The following PLAGL1 variants were observed in gnomAD, a reference collection of about 807,000 sequenced individuals.
The protein encoded by PLAGL1 is PLAG1 like zinc finger 1, also known as zinc finger protein PLAGL1.
A neutral mutation model predicts 4.6 loss-of-function variants in PLAGL1; 1 was observed. The ratio of observed to expected loss-of-function variants is 0.22; its 90% CI spans 0.08 to 1.03. The LOEUF is 1.03. PLAGL1 is among the 50% of genes least tolerant of loss of function. PLAGL1 has a pLI of 0.58. For missense variants in PLAGL1, 464 were observed against 570.4 expected, an observed-to-expected ratio of 0.81 and a Z score of 1.90; for synonymous variants, 240 against 237.8, an observed-to-expected ratio of 1.01 and a Z score of -0.08.
chr6:143,981,841 C>T (rs1437188950), intron 2 of PLAGL1, among the ~76,000 whole-genome samples: 2 of 152,192 alleles, frequency 1.3e-5, no homozygotes, highest in Admixed American at 1.3e-4. Context: ...CAGTCAGCAA[C>T]TAGAGAAGGG....
rs566457628 is a variant in PLAGL1 at position 143,952,016 on chromosome 6, T to C, written c.-324-3556A>G. ...AGAATACAAATATTTGTTTTCATGA[T>C]ATAATAATAAACTTCTGTAAAAACA... On this transcript the variant is annotated intron_variant, in intron 6 of 7. Coordinates refer to ENST00000674357, the MANE Select transcript of PLAGL1 (RefSeq NM_001317162.2). The surrounding 1 kb of genome is among the most constrained non-coding windows in gnomAD (Gnocchi z 6.1). Among the ~76,000 whole-genome samples the C allele has an allele frequency of 7.4e-4, 112 of 152,200 alleles. No individual in the cohort carries two copies. The highest frequency in any genetic ancestry group is 4.4e-4 in the Non-Finnish European group (30 of 68,034).
At chr6:144,023,901 A>G (rs950445456) in intron 1 of PLAGL1, among the ~76,000 whole-genome samples, 7 of 146,072 alleles carry the variant, frequency 4.8e-5, no homozygotes, top group African/African-American at 1.5e-4. Context: ...CTCAGCCTCC[A>G]GAGTAGCTGG....
rs954644431 is a variant in PLAGL1 at position 143,945,697 on chromosome 6, G to A, written c.152+2288C>T. Among the ~76,000 whole-genome samples, 1 of 152,110 alleles carries A rather than the reference G, an allele frequency of 6.6e-6. No homozygotes were observed. The highest frequency in any genetic ancestry group is 1.5e-5 in the Non-Finnish European group (1 of 68,010). On this transcript the variant is annotated intron_variant, in intron 7 of 7. Transcript: ENST00000674357. The surrounding 1 kb of genome is among the most constrained non-coding windows in gnomAD (Gnocchi z 4.2). ...TCACCATGGTGGCCAGGATTATCTC[G>A]ATCTGTTGACCTCATGATCCACCCA...
rs1382990337 is a variant in PLAGL1 at position 143,954,469 on chromosome 6, GC to G, written c.-325+5999del. Among the ~76,000 whole-genome samples, 1 of 152,208 alleles carries G rather than the reference GC, an allele frequency of 6.6e-6. No individual in the cohort carries two copies. The highest frequency in any genetic ancestry group is 1.9e-4 in the East Asian group (1 of 5,200). ...TGGGACAGGCATTTGAGTCAAACTT[GC>G]AAGGGGAACACTTGAGAACCCAGAG... is the stretch of plus-strand genomic sequence containing the variant. On this transcript the variant is annotated intron_variant, in intron 6 of 7. Transcript: ENST00000674357. This position sits in a 1 kb window ranked among gnomAD's most constrained non-coding sequence, Gnocchi z 5.1.
intron 1 of PLAGL1, among the ~76,000 whole-genome samples, chr6:144,043,126 A>T (rs1797865238): frequency 6.6e-6 from 1 of 152,192 alleles, no homozygotes; most frequent in Admixed American, 6.5e-5. Context: ...GGAAACAGGG[A>T]CAATTTGACT....
intron 1 of PLAGL1, among the ~76,000 whole-genome samples, chr6:144,001,204 G>A (rs866213522): frequency 6.6e-6 from 1 of 151,780 alleles, no homozygotes; most frequent in African/African-American, 2.4e-5. Context: ...TTTTTAATGG[G>A]GACATTTCAA....
rs895456733 is a variant in PLAGL1 at position 144,000,731 on chromosome 6, T to C, written c.-584+7359A>G. Among the ~76,000 whole-genome samples, 1 of 152,176 alleles carries C rather than the reference T, an allele frequency of 6.6e-6. No homozygotes were observed. The highest frequency in any genetic ancestry group is 2.4e-5 in the African/African-American group (1 of 41,464). On this transcript the variant is annotated intron_variant, in intron 1 of 7. Coordinates refer to ENST00000674357, the MANE Select transcript of PLAGL1 (RefSeq NM_001317162.2). The surrounding 1 kb of genome is among the most constrained non-coding windows in gnomAD (Gnocchi z 4.1). ...AAAACAAAAGAAGGCTTCTGCTCTATGACATATCAAAATCATTAGAGTTAT... is the reference window on the plus strand; with the variant it reads ...AAAACAAAAGAAGGCTTCTGCTCTACGACATATCAAAATCATTAGAGTTAT...
At position 143,963,577 on chromosome 6, in the gene PLAGL1, C is replaced by CCT. The variant is rs1783831593; in HGVS notation, c.-399+1209_-399+1210insAG. Among the ~76,000 whole-genome samples, 6 of 152,310 alleles carry CCT rather than the reference C, an allele frequency of 3.9e-5. No homozygotes were observed. In the Middle Eastern group the frequency reaches 0.01, roughly 259 times the overall value. ...GGGAAAGTAAGGCTTAGAAGTTATG[C>CCT]TGATTTGCCCATGATCCTACAGCCA... On this transcript the variant is annotated intron_variant, in intron 5 of 7. Coordinates refer to ENST00000674357, the MANE Select transcript of PLAGL1 (RefSeq NM_001317162.2). This position sits in a 1 kb window ranked among gnomAD's most constrained non-coding sequence, Gnocchi z 6.1.
At chr6:144,057,776 A>AT (rs60234022) in intron 1 of PLAGL1, among the ~76,000 whole-genome samples, 30,501 of 136,956 alleles carry the variant, frequency 0.22, 3,397 homozygotes, top group East Asian at 0.27. Context: ...ACGCCTCACC[A>AT]TTTTTTTTTT....
rs75168419 is a variant in PLAGL1, at chr6:143,973,636, G to A, written c.-543-4658C>T. 6.7e-3 allele frequency among the ~76,000 whole-genome samples: 1,025 copies of A among 152,190 alleles called. 44 individuals are homozygous for A. In the East Asian group the frequency reaches 0.11, roughly 17 times the overall value. ...AATCTGCAACTTCTTTCATGTCACCGTACCCAAACTATATGGAAACTTTAT... is the reference window on the plus strand; with the variant it reads ...AATCTGCAACTTCTTTCATGTCACCATACCCAAACTATATGGAAACTTTAT... On this transcript the variant is annotated intron_variant, in intron 2 of 7. Coordinates refer to ENST00000674357, the MANE Select transcript of PLAGL1 (RefSeq NM_001317162.2). This position sits in a 1 kb window ranked among gnomAD's most constrained non-coding sequence, Gnocchi z 6.2.
In PLAGL1 at chr6:144,015,138, C is replaced by T. The variant is rs938163470; in HGVS notation, c.-150-46160G>A. The stretch of plus-strand genomic sequence containing the variant: ...AGCTAGTTCAAACTGAAATGTGCTA[C>T]AAGTGTAAAATATACTCTGGCTTTC... On this transcript the variant is annotated intron_variant, in intron 1 of 3. Transcript: ENST00000437412. The surrounding 1 kb of genome is among the most constrained non-coding windows in gnomAD (Gnocchi z 4.3). 3.3e-5 allele frequency among the ~76,000 whole-genome samples: 5 copies of T among 152,074 alleles called. No individual in the cohort carries two copies. Among genetic ancestry groups the T allele is most frequent in the African/African-American group, 1.2e-4 (5 of 41,422 alleles).
rs1327838186 is a variant in PLAGL1 at position 144,015,111 on chromosome 6, G to GTA, written c.-150-46135_-150-46134dup. ...CCCATAAGCCATGTATGGCTATGAC[G>GTA]TAGCTAGTTCAAACTGAAATGTGCT... On this transcript the variant is annotated intron_variant, in intron 1 of 3. Coordinates refer to the PLAGL1 transcript ENST00000437412. The surrounding 1 kb of genome is among the most constrained non-coding windows in gnomAD (Gnocchi z 4.3). Among the ~76,000 whole-genome samples the GTA allele has an allele frequency of 6.6e-5, 10 of 152,306 alleles. No homozygotes were observed. Among genetic ancestry groups the GTA allele is most frequent in the African/African-American group, 2.4e-4 (10 of 41,570 alleles).
chr6:144,011,123 A>G (rs935219443), upstream of PLAGL1, among the ~76,000 whole-genome samples: 2 of 152,238 alleles, frequency 1.3e-5, no homozygotes, highest in African/African-American at 4.8e-5. The surrounding 1 kb of genome is among the most constrained non-coding windows in gnomAD (Gnocchi z 4.3). Flanking sequence ...ATTAAACTAA[A>G]GAGCTTCTGC....
Position 144,048,362 on chromosome 6 carries a change from G to A in PLAGL1, c.-151+16106C>T, listed in dbSNP as rs1798329569. Among the ~76,000 whole-genome samples, 1 of 152,162 alleles carries A rather than the reference G, an allele frequency of 6.6e-6. No homozygotes were observed. The highest frequency in any genetic ancestry group is 6.5e-5 in the Admixed American group (1 of 15,286). ...GCCCCAGTGGGGACTCTGTGTGGGG[G>A]CTCCAACCCCACATTTTCCTCCTGG... is the stretch of plus-strand genomic sequence containing the variant. On this transcript the variant is annotated intron_variant, in intron 1 of 3. Transcript: ENST00000437412. This position sits in a 1 kb window ranked among gnomAD's most constrained non-coding sequence, Gnocchi z 4.8.
At chr6:144,057,891 C>T (rs1799102513) in intron 1 of PLAGL1, among the ~76,000 whole-genome samples, 2 of 151,462 alleles carry the variant, frequency 1.3e-5, no homozygotes, top group African/African-American at 4.9e-5. Flanking sequence ...ATTACTATTG[C>T]AGTTTTAACT....
In PLAGL1 at chr6:143,984,700, T is replaced by A. The variant is rs1223552898; in HGVS notation, c.-544+435A>T. Among the ~76,000 whole-genome samples, 1 of 152,170 alleles carries A rather than the reference T, an allele frequency of 6.6e-6. No homozygotes were observed. Among genetic ancestry groups the A allele is most frequent in the Non-Finnish European group, 1.5e-5 (1 of 68,008 alleles). On this transcript the variant is annotated intron_variant, in intron 2 of 7. Coordinates refer to ENST00000674357, the MANE Select transcript of PLAGL1 (RefSeq NM_001317162.2). The surrounding 1 kb of genome is among the most constrained non-coding windows in gnomAD (Gnocchi z 5.5). ...AAACAAAACCATCTCAGAAAATAAC[T>A]TCTCAAAGATGTATTTAAAATTGGT...
rs1017085288 is a variant in PLAGL1, at chr6:143,982,067, C to T, written c.-544+3068G>A. On this transcript the variant is annotated intron_variant, in intron 2 of 7. Transcript: ENST00000674357. The surrounding 1 kb of genome is among the most constrained non-coding windows in gnomAD (Gnocchi z 5.3). ...AAATTCCTACCCTTGTGAAGCGCACCAATGAATTAAGCTTATCTTTGAATT... is the reference window on the plus strand; with the variant it reads ...AAATTCCTACCCTTGTGAAGCGCACTAATGAATTAAGCTTATCTTTGAATT... Among the ~76,000 whole-genome samples, 3 of 151,984 alleles carry T rather than the reference C, an allele frequency of 2.0e-5. No homozygotes were observed. The highest frequency in any genetic ancestry group is 6.6e-5 in the Admixed American group (1 of 15,242).
At chr6:144,014,897 T>C (rs553742461) in intron 1 of PLAGL1, among the ~76,000 whole-genome samples, 68 of 152,312 alleles carry the variant, frequency 4.5e-4, no homozygotes, top group Middle Eastern at 3.4e-3. Context: ...ATTGGTATTT[T>C]GACAGAGGTA....
At chr6:144,024,533 A>G in intron 1 of PLAGL1, among the ~76,000 whole-genome samples, 1 of 152,194 alleles carries the variant, frequency 6.6e-6, no homozygotes, top group East Asian at 1.9e-4. Flanking sequence ...GCCATGTAAG[A>G]CGTTCCATGC....
Sources: gnomAD v4.1 joint callset for allele counts (sites outside exome capture counted in the v4.1 genomes callset) on GRCh38, gnomAD v4.1.1 for gene constraint, Gnocchi (gnomAD v3.1) non-coding constraint, MANE v1.5 for transcripts, NCBI Gene and HGNC (gene_info 2026-07-23, HGNC 2026-07-21) for gene names.